The following SH3PXD2A variants were observed in gnomAD, a reference collection of about 807,000 sequenced individuals.
The protein encoded by SH3PXD2A is SH3 and PX domains 2A.
In SH3PXD2A, 32 loss-of-function variants were observed where a neutral mutation model predicts 115.2. The observed-to-expected ratio is 0.28, with a 90% CI of 0.21 to 0.37. SH3PXD2A has a LOEUF of 0.37. Among genes scored for constraint, SH3PXD2A ranks in the 10% least tolerant of loss-of-function variants. SH3PXD2A has a pLI of 1.00. For missense variants in SH3PXD2A, 1,328 were observed against 1,498.7 expected (o/e 0.89, Z 1.88); for synonymous variants, 610 against 629.1 (o/e 0.97, Z 0.45).
intron 1 of SH3PXD2A, among the ~76,000 whole-genome samples, chr10:103,838,824 G>T (rs1234680604): frequency 6.6e-6 from 1 of 152,162 alleles, no homozygotes; most frequent in African/African-American, 2.4e-5. Context: ...TGAGAATAAA[G>T]ATTTTTCCAT....
At chr10:103,604,704 G>T (rs1211797886) in intron 14 of SH3PXD2A, among the ~76,000 whole-genome samples, 3 of 152,186 alleles carry the variant, frequency 2.0e-5, no homozygotes, top group African/African-American at 7.2e-5. Flanking sequence ...TCCCCCACTA[G>T]AAGAGAAAGA....
chr10:103,602,315 A>G lies in SH3PXD2A; in HGVS notation c.2903T>C (p.Met968Thr). 6.2e-7 allele frequency: 1 copy of G among 1,613,732 alleles called. No homozygotes were observed. The highest frequency in any genetic ancestry group is 1.3e-5 in the African/African-American group (1 of 75,040). The stretch of plus-strand genomic sequence containing the variant: ...CGCCACCTGCCGCACTCCGTTCCTC[A>G]TCTTCACCGCTGGAGTGCCTGAGGT... ...GKTSGTPAVKMRNGVRQVAVR... is the reference protein window; with the variant it reads ...GKTSGTPAVKTRNGVRQVAVR... Residue 968 changes from methionine to threonine, a missense_variant, in exon 15 of 15, where the codon ATG becomes ACG. Physicochemically the swap from Met to Thr is moderately conservative, Grantham distance 81. Transcript: ENST00000369774.
intron 6 of SH3PXD2A, among the ~76,000 whole-genome samples, chr10:103,681,405 C>G (rs2037605840): frequency 6.6e-6 from 1 of 152,234 alleles, no homozygotes; most frequent in Non-Finnish European, 1.5e-5. Flanking sequence ...ACATGGCCAT[C>G]AACCCACATG....
At chr10:103,706,792 C>G (rs1238405150) in intron 5 of SH3PXD2A, among the ~76,000 whole-genome samples, 1 of 151,480 alleles carries the variant, frequency 6.6e-6, no homozygotes, top group Non-Finnish European at 1.5e-5. Context: ...CATCTCTGCT[C>G]TCCCCTCCTT....
At chr10:103,741,657 G>A (rs2038445113) in intron 3 of SH3PXD2A, among the ~76,000 whole-genome samples, 1 of 152,182 alleles carries the variant, frequency 6.6e-6, no homozygotes, top group African/African-American at 2.4e-5. Context: ...CCAGGCTGTC[G>A]AGGGAGACTT....
intron 7 of SH3PXD2A, among the ~76,000 whole-genome samples, chr10:103,667,467 G>T (rs1345649612): frequency 6.6e-6 from 1 of 152,248 alleles, no homozygotes; most frequent in Admixed American, 6.5e-5. Flanking sequence ...TCACTGGCGT[G>T]TGGAGAGGGG....
chr10:103,724,102 A>C (rs1403653491), intron 5 of SH3PXD2A, among the ~76,000 whole-genome samples, 168 bp downstream of exon 5: 2 of 152,250 alleles, frequency 1.3e-5, no homozygotes, highest in East Asian at 3.9e-4. Flanking sequence ...TGGCACTAGG[A>C]GCCTGGGGAA....
intron 1 of SH3PXD2A, among the ~76,000 whole-genome samples, chr10:103,817,337 C>T (rs920612488): frequency 3.9e-5 from 6 of 151,928 alleles, no homozygotes; most frequent in Non-Finnish European, 8.8e-5. Context: ...GCCCCAGTGT[C>T]TGTTGTTTCT....
At position 103,750,833 on chromosome 10, in the gene SH3PXD2A, G is replaced by A. The variant is rs184827528; in HGVS notation, c.230-15025C>T. ...TTAAAATCTGTATATAGCAAAATGC[G>A]ACACAGCCAATTGTTTGTCTGCTTA... On this transcript the variant is annotated intron_variant, in intron 3 of 14. Coordinates refer to ENST00000369774, the MANE Select transcript of SH3PXD2A (RefSeq NM_001394015.1). 1.9e-4 allele frequency among the ~76,000 whole-genome samples: 29 copies of A among 152,242 alleles called. 1 individual carries two copies. In the East Asian group the frequency reaches 5.6e-3, roughly 29 times the overall value.
chr10:103,612,422 T>C (rs1281074633), intron 12 of SH3PXD2A, among the ~76,000 whole-genome samples: 1 of 152,232 alleles, frequency 6.6e-6, no homozygotes, highest in Non-Finnish European at 1.5e-5. Context: ...GCCCTGCATA[T>C]AGCACCCACA....
chr10:103,661,617 T>A, intron 7 of SH3PXD2A: 1 of 976,164 alleles, frequency 1.0e-6, no homozygotes, highest in Non-Finnish European at 1.2e-6. Flanking sequence ...CTCCAGCCTC[T>A]GCCCCCAACC....
intron 6 of SH3PXD2A, 69 bp downstream of exon 6, chr10:103,692,959 A>G: frequency 1.2e-6 from 1 of 858,492 alleles, no homozygotes; most frequent in Non-Finnish European, 1.9e-6. Flanking sequence ...AGTCCTCTGC[A>G]GGATCGGAGG....
At chr10:103,653,576 CAG>C (rs1038559123) in intron 8 of SH3PXD2A, among the ~76,000 whole-genome samples, 30 of 152,324 alleles carry the variant, frequency 2.0e-4, no homozygotes, top group African/African-American at 7.0e-4. Flanking sequence ...AGTAGGTCCA[CAG>C]AGTCAGGCCA....
intron 6 of SH3PXD2A, 90 bp downstream of exon 6, chr10:103,692,938 C>T: frequency 2.1e-6 from 2 of 932,958 alleles, no homozygotes; most frequent in Non-Finnish European, 3.4e-6. Flanking sequence ...CCCCCCTCCC[C>T]GCCCCCAAGA....
chr10:103,763,658 G>A (rs34936990), intron 3 of SH3PXD2A, among the ~76,000 whole-genome samples: 15,929 of 152,212 alleles, frequency 0.1, 987 homozygotes, highest in Non-Finnish European at 0.12. Flanking sequence ...GCTGTCCTGA[G>A]CCCCTGTACC....
chr10:103,693,120 G>C lies in SH3PXD2A; in HGVS notation c.399-64C>G, dbSNP rs2037779536. 2.1e-6 allele frequency: 3 copies of C among 1,450,566 alleles called. No individual in the cohort carries two copies. The African/African-American group carries it at 4.2e-5, about 21-fold the overall frequency. The allele number at this position is 1,450,566 out of a possible 1,614,324, so 89.9% of individuals were successfully genotyped here. ...CGGGCGCGAGCGCGGGGCTGCAGCT[G>C]CAGGGGCGCCCTCGGGCTGGCTGCG... On this transcript the variant is annotated intron_variant, in intron 5 of 14. Coordinates refer to ENST00000369774, the MANE Select transcript of SH3PXD2A (RefSeq NM_001394015.1).
Position 103,602,029 on chromosome 10 carries a change from G to A in SH3PXD2A, c.3189C>T (p.Ile1063=), listed in dbSNP as rs368279603. 1.2e-5 allele frequency: 19 copies of A among 1,612,446 alleles called. No individual in the cohort carries two copies. The highest frequency in any genetic ancestry group is 2.7e-5 in the African/African-American group (2 of 74,906). The change falls in exon 15 of 15, where the codon ATC becomes ATT. Residue 1063 remains isoleucine (I), a synonymous_variant. Transcript: ENST00000369774. ...IPVSPVRPKP[I]EKSQFIHNNL... ...TATTGTGGATGAACTGAGACTTCTC[G>A]ATGGGCTTGGGGCGCACAGGGGACA... is the stretch of plus-strand genomic sequence containing the variant.
intron 6 of SH3PXD2A, among the ~76,000 whole-genome samples, chr10:103,678,537 C>T (rs987062716): frequency 6.6e-6 from 1 of 152,220 alleles, no homozygotes; most frequent in African/African-American, 2.4e-5. Flanking sequence ...GCCTGGTGCT[C>T]AGTGCTCAGC....
rs7478393 is a variant in SH3PXD2A at position 103,825,786 on chromosome 10, C to T, written c.73-24424G>A. 2.0e-3 allele frequency among the ~76,000 whole-genome samples: 233 copies of T among 117,016 alleles called. No homozygotes were observed. In the East Asian group the frequency reaches 0.041, roughly 20 times the overall value. 76.8% of individuals were successfully genotyped at this position (117,016 alleles called of 152,430 possible). On this transcript the variant is annotated intron_variant, in intron 1 of 14. Transcript: ENST00000369774. ...AATTTTTTTTTTTTTTTTTTTGAGA[C>T]GGAGTCTCGCTCTGTCACCCAGGCT...
Sources: gnomAD v4.1 joint callset for allele counts (sites outside exome capture counted in the v4.1 genomes callset) on GRCh38, gnomAD v4.1.1 for gene constraint, MANE v1.5 for transcripts, NCBI Gene and HGNC (gene_info 2026-07-23, HGNC 2026-07-21) for gene names.